Variants in FNDC1 observed in about 807,000 individuals in gnomAD.
FNDC1 encodes fibronectin type III domain containing 1.
A neutral mutation model predicts 168.0 loss-of-function variants in FNDC1; 96 were observed. The observed-to-expected ratio is 0.57, with a 90% CI of 0.48 to 0.68. The LOEUF (loss-of-function observed/expected upper bound fraction) is 0.68, where lower values mean the gene tolerates loss of function less well. Among genes scored for constraint, FNDC1 ranks in the 30% least tolerant of loss-of-function variants. FNDC1 has a pLI of 0.00. For missense variants in FNDC1, 2,587 were observed against 2,482.1 expected (o/e 1.04, Z -0.90); for synonymous variants, 1,099 against 1,025.9 (o/e 1.07, Z -1.36).
In FNDC1 at chr6:159,249,075, C is replaced by A; in HGVS notation, c.4727C>A (p.Thr1576Asn). 2 of 1,604,238 alleles carry A rather than the reference C, an allele frequency of 1.2e-6. No homozygotes were observed. Among genetic ancestry groups the A allele is most frequent in the African/African-American group, 1.3e-5 (1 of 74,882 alleles). ...GAGACGTCAAGGCCACCAACCACCA[C>A]TGAGCCTTCGACCACTGCTACCACA... is the stretch of plus-strand genomic sequence containing the variant. Reference protein sequence around the residue: ...EFETSRPPTTTEPSTTATTPR... With the variant: ...EFETSRPPTTNEPSTTATTPR... The change falls in exon 16 of 23, where the codon ACT becomes AAT. Residue 1576 changes from threonine (T) to asparagine (N), a missense_variant. Transcript: ENST00000297267.
chr6:159,269,597 GTCTATCTATCTATCTATCTA>G (rs201581423), intron 22 of FNDC1, among the ~76,000 whole-genome samples: 66 of 123,950 alleles, frequency 5.3e-4, no homozygotes, highest in East Asian at 2.3e-3. Flanking sequence ...CTGTCTGTCT[GTCTATCTATCTATCTATCTA>G]TCTATCTATC....
At chr6:159,247,121 G>T (rs564106419) in intron 15 of FNDC1, among the ~76,000 whole-genome samples, 152 bp downstream of exon 15, 47 of 152,260 alleles carry the variant, frequency 3.1e-4, no homozygotes, top group African/African-American at 9.9e-4. Flanking sequence ...AAGGGTGGTT[G>T]TACCCCACGC....
chr6:159,269,245 C>A (rs1236647606), intron 22 of FNDC1, among the ~76,000 whole-genome samples: 1 of 110,824 alleles, frequency 9.0e-6, no homozygotes, highest in African/African-American at 4.5e-5. Flanking sequence ...ATCTATCTAT[C>A]TATCCATCTA....
rs436743 is a variant in FNDC1 at position 159,234,070 on chromosome 6, A to G, written c.3558A>G (p.Gly1186=). 1,413,976 of 1,611,546 alleles carry G rather than the reference A, an allele frequency of 0.88. 622,866 individuals carry two copies. Among genetic ancestry groups the G allele is most frequent in the Middle Eastern group, 0.91 (5,490 of 6,054 alleles). The part of the protein sequence containing the change: ...SAEDDEEEDA[G]FFKGGKEDLL... Reference sequence around the variant, plus strand: ...AGGACGACGAGGAGGAGGACGCGGGATTTTTTAAAGGCGGGAAAGAAGACC... The same window carrying G: ...AGGACGACGAGGAGGAGGACGCGGGGTTTTTTAAAGGCGGGAAAGAAGACC... Residue 1186 remains glycine (G), a synonymous_variant, in exon 11 of 23, where the codon GGA becomes GGG. Coordinates refer to ENST00000297267, the MANE Select transcript of FNDC1 (RefSeq NM_032532.3).
chr6:159,216,962 C>T (rs1169653056), intron 5 of FNDC1, among the ~76,000 whole-genome samples: 4 of 152,242 alleles, frequency 2.6e-5, no homozygotes, highest in Admixed American at 6.5e-5. Context: ...CTTCCCTTAC[C>T]TGGTCTCTTC....
chr6:159,169,714 C>G lies in FNDC1; in HGVS notation c.109+9C>G. The stretch of plus-strand genomic sequence containing the variant: ...CTCGGCGGCGGCCTCAGGTACGCGC[C>G]GCGCCCGGGCCCCCGGCGCTCCTCA... On this transcript the variant is annotated intron_variant, in intron 1 of 22. Transcript: ENST00000297267. The surrounding 1 kb of genome is among the most constrained non-coding windows in gnomAD (Gnocchi z 6.8). 9.0e-7 allele frequency: 1 copy of G among 1,111,162 alleles called. No individual in the cohort carries two copies. Among genetic ancestry groups the G allele is most frequent in the Non-Finnish European group, 1.1e-6 (1 of 899,566 alleles). The allele number at this position is 1,111,162 out of a possible 1,614,324, so 68.8% of individuals were successfully genotyped here.
At chr6:159,186,681 G>A (rs911700915) in intron 1 of FNDC1, among the ~76,000 whole-genome samples, 1 of 152,218 alleles carries the variant, frequency 6.6e-6, no homozygotes, top group Non-Finnish European at 1.5e-5. Flanking sequence ...ACTCTGACAT[G>A]CAGCCACTTG....
chr6:159,265,821 A>G (rs1281201172), intron 20 of FNDC1, among the ~76,000 whole-genome samples: 2 of 152,114 alleles, frequency 1.3e-5, no homozygotes, highest in African/African-American at 4.8e-5. Context: ...CCAGCTATTC[A>G]GGAGGCTGCG....
intron 20 of FNDC1, among the ~76,000 whole-genome samples, chr6:159,265,278 C>G (rs1777565825): frequency 6.6e-6 from 1 of 152,128 alleles, no homozygotes; most frequent in Non-Finnish European, 1.5e-5. Context: ...TTTTCATGAC[C>G]ATTTGAATAT....
In FNDC1 at chr6:159,233,251, G is replaced by T. The variant is rs1783144915; in HGVS notation, c.2739G>T (p.Pro913=). 1.9e-6 allele frequency: 3 copies of T among 1,613,920 alleles called. No individual in the cohort carries two copies. Among genetic ancestry groups the T allele is most frequent in the Non-Finnish European group, 2.5e-6 (3 of 1,179,868 alleles). The change falls in exon 11 of 23, where the codon CCG becomes CCT. Residue 913 remains proline (P), a synonymous_variant. Coordinates refer to ENST00000297267, the MANE Select transcript of FNDC1 (RefSeq NM_032532.3). The surrounding 1 kb of genome is among the most constrained non-coding windows in gnomAD (Gnocchi z 4.6). ...GCTGGGAGGACTTAAGGAGAAGCCC[G>T]CAGAGAGGGGCCAGCCTGCATCGGA... is the stretch of plus-strand genomic sequence containing the variant. The part of the protein sequence containing the change: ...SRGWEDLRRS[P]QRGASLHRKE...
intron 16 of FNDC1, among the ~76,000 whole-genome samples, chr6:159,249,782 A>G (rs1326115080): frequency 6.6e-6 from 1 of 152,218 alleles, no homozygotes; most frequent in African/African-American, 2.4e-5. Flanking sequence ...CATGCCCTTA[A>G]TGAACCTCAT....
intron 4 of FNDC1, among the ~76,000 whole-genome samples, chr6:159,205,179 A>G (rs563513152): frequency 6.6e-6 from 1 of 152,322 alleles, no homozygotes; most frequent in Admixed American, 6.5e-5. Context: ...TGTTGAACTA[A>G]TTATTTGATA....
At chr6:159,242,831 A>C (rs1230076460) in intron 14 of FNDC1, among the ~76,000 whole-genome samples, 3 of 152,130 alleles carry the variant, frequency 2.0e-5, no homozygotes, top group African/African-American at 7.2e-5. Context: ...ACTTAGCATA[A>C]TTGTTTTCAA....
At chr6:159,243,240 C>A (rs1029281820) in intron 14 of FNDC1, 59 of 151,984 alleles carry the variant, frequency 3.9e-4, no homozygotes, top group African/African-American at 1.4e-3. Context: ...ATGTGATGAG[C>A]CAAATGAACA....
chr6:159,197,089 A>G (rs1174144309), intron 1 of FNDC1, among the ~76,000 whole-genome samples: 1 of 152,218 alleles, frequency 6.6e-6, no homozygotes. Context: ...TACTATATAA[A>G]TGCTACTGGA....
chr6:159,186,077 A>C (rs1781992460), intron 1 of FNDC1, among the ~76,000 whole-genome samples: 1 of 152,234 alleles, frequency 6.6e-6, no homozygotes, highest in Non-Finnish European at 1.5e-5. Flanking sequence ...AATTACAGTC[A>C]GTTCCTATTG....
At chr6:159,251,943 C>T (rs762489509) in intron 17 of FNDC1, among the ~76,000 whole-genome samples, 8 of 152,174 alleles carry the variant, frequency 5.3e-5, no homozygotes, top group East Asian at 1.9e-4. Context: ...CATAAGCTCC[C>T]GCTGGGCCAC....
chr6:159,224,517 T>C (rs1183110228), intron 7 of FNDC1, among the ~76,000 whole-genome samples: 4 of 152,210 alleles, frequency 2.6e-5, no homozygotes, highest in African/African-American at 7.2e-5. Context: ...ATGTTAGATA[T>C]ATAGTTTCCT....
At chr6:159,262,140 G>A (rs1027857502) in intron 19 of FNDC1, among the ~76,000 whole-genome samples, 5 of 152,074 alleles carry the variant, frequency 3.3e-5, no homozygotes, top group African/African-American at 1.2e-4. Context: ...ATGGTCTAAT[G>A]TAGCACATGC....
Sources: gnomAD v4.1 joint callset for allele counts (sites outside exome capture counted in the v4.1 genomes callset) on GRCh38, gnomAD v4.1.1 for gene constraint, Gnocchi (gnomAD v3.1) non-coding constraint, MANE v1.5 for transcripts, NCBI Gene and HGNC (gene_info 2026-07-23, HGNC 2026-07-21) for gene names.